The following PDE10A variants were observed in gnomAD, a reference collection of about 807,000 sequenced individuals.
PDE10A encodes phosphodiesterase 10A.
In PDE10A, 39 loss-of-function variants were observed where a neutral mutation model predicts 97.7. That is an observed-to-expected ratio of 0.40 (90% CI 0.31 to 0.52). The LOEUF is 0.52. Ranked by LOEUF, PDE10A falls within the 20% of genes least tolerant of loss-of-function variation. The probability of loss-of-function intolerance (pLI) is 0.56; values close to 1 mark genes in which losing one functional copy is unlikely to be tolerated. For synonymous variants in PDE10A, 371 were observed against 376.8 expected, an observed-to-expected ratio of 0.98 and a Z score of 0.18; for missense variants, 731 against 1,047.8, an observed-to-expected ratio of 0.70 and a Z score of 4.17.
At chr6:165,471,674 T>C (rs1779017289) in intron 3 of PDE10A, among the ~76,000 whole-genome samples, 1 of 152,154 alleles carries the variant, frequency 6.6e-6, no homozygotes, top group Non-Finnish European at 1.5e-5. Context: ...TCTGTTTTAA[T>C]ATCACATATC....
chr6:165,547,238 T>A (rs1215558102), intron 1 of PDE10A, among the ~76,000 whole-genome samples: 1 of 152,166 alleles, frequency 6.6e-6, no homozygotes, highest in African/African-American at 2.4e-5. Context: ...CAGATAAAAC[T>A]AATTAAACTG....
intron 1 of PDE10A, among the ~76,000 whole-genome samples, chr6:165,593,670 C>A (rs1786416409): frequency 6.6e-6 from 1 of 152,066 alleles, no homozygotes; most frequent in South Asian, 2.1e-4. Context: ...TTCTAGTAAA[C>A]CTTTATGTTT....
intron 18 of PDE10A, among the ~76,000 whole-genome samples, chr6:165,356,159 C>T (rs971414196): frequency 2.0e-5 from 3 of 152,096 alleles, no homozygotes; most frequent in African/African-American, 2.4e-5. Context: ...ACTCAATCAC[C>T]GCTCACCAGG....
chr6:165,569,588 G>C (rs1784951447), intron 1 of PDE10A, among the ~76,000 whole-genome samples: 1 of 152,188 alleles, frequency 6.6e-6, no homozygotes, highest in South Asian at 2.1e-4. Context: ...GCCTGTGACA[G>C]TCTTCCCTCC....
At position 165,890,218 on chromosome 6, in the gene PDE10A, AC is replaced by A. The variant is rs370900482; in HGVS notation, c.-615+97310del. ...GTTGTCATCATGCAAGTAAAAAGTC[AC>A]CCCCAGACTTTCCCCACGTGCGGAG... On this transcript the variant is annotated intron_variant, in intron 1 of 19. Transcript: ENST00000366882. Among the ~76,000 whole-genome samples, 296 of 151,784 alleles carry A rather than the reference AC, an allele frequency of 2.0e-3. 2 individuals are homozygous for A. The highest frequency in any genetic ancestry group is 6.7e-3 in the African/African-American group (278 of 41,380).
rs1788459176 is a variant in PDE10A, at chr6:165,418,242, G to A, written c.1796+393C>T. Among the ~76,000 whole-genome samples the A allele has an allele frequency of 6.6e-6, 1 of 152,226 alleles. No individual in the cohort carries two copies. Among genetic ancestry groups the A allele is most frequent in the South Asian group, 2.1e-4 (1 of 4,830 alleles). On this transcript the variant is annotated intron_variant, in intron 11 of 21. Coordinates refer to ENST00000539869, the MANE Select transcript of PDE10A (RefSeq NM_001385079.1). The surrounding 1 kb of genome is among the most constrained non-coding windows in gnomAD (Gnocchi z 4.8). ...ATCAATTTCTACTACTGTCTGGACT[G>A]CGAGACAGGCCACCGGTTGGGAAGA...
At chr6:165,606,112 A>C (rs1787194130) in intron 1 of PDE10A, among the ~76,000 whole-genome samples, 1 of 150,040 alleles carries the variant, frequency 6.7e-6, no homozygotes. Flanking sequence ...TAGGAGTCAC[A>C]CAGTCTGACC....
intron 1 of PDE10A, among the ~76,000 whole-genome samples, chr6:165,882,752 G>T (rs1181540307): frequency 8.9e-6 from 1 of 112,738 alleles, no homozygotes; most frequent in South Asian, 3.7e-4. Flanking sequence ...CACTAGAAAA[G>T]ATCACTCAGA....
intron 1 of PDE10A, among the ~76,000 whole-genome samples, chr6:165,636,631 A>G (rs2983514): frequency 0.33 from 50,782 of 152,072 alleles, 8,769 homozygotes; most frequent in Middle Eastern, 0.5. Flanking sequence ...CCCACCCTAA[A>G]TGCAATACTT....
At chr6:165,872,035 T>A (rs771869329) in intron 1 of PDE10A, among the ~76,000 whole-genome samples, 8 of 152,172 alleles carry the variant, frequency 5.3e-5, no homozygotes, top group Non-Finnish European at 8.8e-5. Context: ...TGCCTTGTTC[T>A]CATCAGGGAC....
At chr6:165,434,041 A>AAAT (rs1789818206) in intron 6 of PDE10A, among the ~76,000 whole-genome samples, 1 of 129,720 alleles carries the variant, frequency 7.7e-6, no homozygotes, top group African/African-American at 3.1e-5. Flanking sequence ...AAAAAAAAGA[A>AAAT]GTAGTACAGG....
At chr6:165,380,114 T>C (rs1345754741) in intron 17 of PDE10A, among the ~76,000 whole-genome samples, 1 of 152,204 alleles carries the variant, frequency 6.6e-6, no homozygotes, top group East Asian at 1.9e-4. Context: ...TAATAATTTA[T>C]TCCTGTGGAA....
At chr6:165,385,448 G>C in intron 17 of PDE10A, among the ~76,000 whole-genome samples, 1 of 152,190 alleles carries the variant, frequency 6.6e-6, no homozygotes, top group Non-Finnish European at 1.5e-5. Context: ...AGGTGTGCCA[G>C]GTGGTGGGCC....
At chr6:165,666,924 T>C (rs191082741), upstream of PDE10A, among the ~76,000 whole-genome samples, 1 of 152,310 alleles carries the variant, frequency 6.6e-6, no homozygotes, top group African/African-American at 2.4e-5. Context: ...CAGCACACAA[T>C]AGGCACTCAA....
intron 1 of PDE10A, among the ~76,000 whole-genome samples, chr6:165,796,091 C>CTTTTTTTTTTTTTTTTTTTT (rs1168771487): frequency 4.6e-4 from 50 of 108,796 alleles, no homozygotes; most frequent in East Asian, 1.1e-3. Flanking sequence ...TTTTTCTTTT[C>CTTTTTTTTTTTTTTTTTTTT]TTTTTTTTTT....
At chr6:165,909,452 T>A (rs1254161689) in intron 1 of PDE10A, among the ~76,000 whole-genome samples, 2 of 152,188 alleles carry the variant, frequency 1.3e-5, no homozygotes, top group African/African-American at 4.8e-5. Flanking sequence ...AAATAGGAGA[T>A]ACAATAGAAA....
chr6:165,607,040 T>C (rs977330435), intron 1 of PDE10A, among the ~76,000 whole-genome samples: 3 of 152,234 alleles, frequency 2.0e-5, no homozygotes, highest in African/African-American at 4.8e-5. Flanking sequence ...TCATGTTTTA[T>C]CTATTTTCTT....
intron 3 of PDE10A, 61 bp from the exon 4 acceptor site, chr6:165,450,423 T>G (rs1174093654): frequency 4.0e-6 from 4 of 997,088 alleles, no homozygotes; most frequent in Non-Finnish European, 5.9e-6. Flanking sequence ...CAAAAATTCC[T>G]TAGTCTGTAA....
intron 1 of PDE10A, among the ~76,000 whole-genome samples, chr6:165,835,545 G>A (rs1197162553): frequency 2.0e-5 from 3 of 152,222 alleles, no homozygotes; most frequent in Admixed American, 2.0e-4. Context: ...GCTCGTGGAC[G>A]CCCACAGAGC....
Sources: gnomAD v4.1 joint callset for allele counts (sites outside exome capture counted in the v4.1 genomes callset) on GRCh38, gnomAD v4.1.1 for gene constraint, Gnocchi (gnomAD v3.1) non-coding constraint, MANE v1.5 for transcripts, NCBI Gene and HGNC (gene_info 2026-07-23, HGNC 2026-07-21) for gene names.